Variants in GUCY1A1 observed in about 807,000 individuals in gnomAD.
GUCY1A1 encodes the protein guanylate cyclase 1 soluble subunit alpha 1, also known as guanylate cyclase soluble subunit alpha-1.
GUCY1A1 carries 48 observed loss-of-function variants against 64.5 expected under a neutral mutation model. The observed-to-expected ratio is 0.74, with a 90% CI of 0.59 to 0.95. The LOEUF (loss-of-function observed/expected upper bound fraction) is 0.95, where lower values mean the gene tolerates loss of function less well. Ranked by LOEUF, GUCY1A1 falls within the 40% of genes least tolerant of loss-of-function variation. The pLI, the probability that GUCY1A1 is intolerant of heterozygous loss-of-function variation, is 0.00. For missense variants in GUCY1A1, 804 were observed against 825.3 expected, an observed-to-expected ratio of 0.97 and a Z score of 0.32; for synonymous variants, 308 against 303.4, an observed-to-expected ratio of 1.02 and a Z score of -0.16.
chr4:155,680,392 A>G (rs1377789081), intron 2 of GUCY1A1, among the ~76,000 whole-genome samples: 4 of 152,134 alleles, frequency 2.6e-5, no homozygotes, highest in Admixed American at 2.6e-4. Flanking sequence ...AACATTGCTT[A>G]ATTTACTTCT....
At chr4:155,718,190 G>C (rs1449721586) in intron 8 of GUCY1A1, among the ~76,000 whole-genome samples, 2 of 152,082 alleles carry the variant, frequency 1.3e-5, no homozygotes, top group African/African-American at 4.8e-5. Flanking sequence ...GTCCTCAGTT[G>C]ACTACCTTCA....
chr4:155,674,804 A>G (rs1479562376), intron 2 of GUCY1A1, among the ~76,000 whole-genome samples: 1 of 151,688 alleles, frequency 6.6e-6, no homozygotes, highest in Non-Finnish European at 1.5e-5. Context: ...AAGTAAAACT[A>G]GTACCCTCTA....
At chr4:155,727,629 ACT>A (rs1734900764) in intron 9 of GUCY1A1, among the ~76,000 whole-genome samples, 1 of 151,702 alleles carries the variant, frequency 6.6e-6, no homozygotes, top group Non-Finnish European at 1.5e-5. Context: ...TATTTATTAG[ACT>A]CTTATAGTTG....
At position 155,717,295 on chromosome 4, in the gene GUCY1A1, C is replaced by G; in HGVS notation, c.1709C>G (p.Pro570Arg). ...SDEVMSPHGEPIKMRIGLHSG... is the reference protein window; with the variant it reads ...SDEVMSPHGERIKMRIGLHSG... ...GAAGTTATGTCTCCCCATGGAGAAC[C>G]TATCAAGGTAAGGCAGATGATATAT... The change falls in exon 8 of 10, where the codon CCT becomes CGT. Residue 570 changes from proline to arginine, a missense_variant. By Grantham distance (103) the Pro-to-Arg change is moderately radical. Coordinates refer to ENST00000506455, the MANE Select transcript of GUCY1A1 (RefSeq NM_001130682.3). 1 of 1,581,736 alleles carries G rather than the reference C, an allele frequency of 6.3e-7. No homozygotes were observed. The highest frequency in any genetic ancestry group is 8.6e-7 in the Non-Finnish European group (1 of 1,161,996).
At position 155,736,359 on chromosome 4, in the gene GUCY1A1, C is replaced by T; in HGVS notation, c.*6128C>T. 6.6e-6 allele frequency: 1 copy of T among 151,880 alleles called. No homozygotes were observed. The highest frequency in any genetic ancestry group is 1.9e-4 in the East Asian group (1 of 5,168). The allele number at this position is 151,880 out of a possible 1,614,324, so 9.4% of individuals were successfully genotyped here. On this transcript the variant is annotated 3_prime_UTR_variant, in exon 10 of 10. Coordinates refer to ENST00000506455, the MANE Select transcript of GUCY1A1 (RefSeq NM_001130682.3). ...ATTGCTTTGAGAAATGGATAAAAGA[C>T]ATAGACTATCACCCCTCCAAAAATG...
At chr4:155,688,605 C>A (rs72685782) in intron 2 of GUCY1A1, among the ~76,000 whole-genome samples, 2 of 152,148 alleles carry the variant, frequency 1.3e-5, no homozygotes, top group African/African-American at 4.8e-5. Flanking sequence ...TGGCTTTTCA[C>A]CTTATATGCA....
intron 8 of GUCY1A1, among the ~76,000 whole-genome samples, chr4:155,718,277 A>T (rs1560960221): frequency 6.6e-6 from 1 of 152,156 alleles, no homozygotes; most frequent in African/African-American, 2.4e-5. Flanking sequence ...AGAAATTTAA[A>T]AACAAAACTA....
At chr4:155,727,716 T>G (rs1366744575) in intron 9 of GUCY1A1, among the ~76,000 whole-genome samples, 1 of 151,734 alleles carries the variant, frequency 6.6e-6, no homozygotes, top group Non-Finnish European at 1.5e-5. Context: ...TAGCCAATAC[T>G]AATATTTAAG....
In GUCY1A1 at chr4:155,710,852, G is replaced by A. The variant is rs763543639; in HGVS notation, c.687G>A (p.Thr229=). The stretch of plus-strand genomic sequence containing the variant: ...CAGCTGCTCACGTATTATATGAAAC[G>A]GAAGTGGAAGTGTCGTTAATGCCTC... ...IKAAAHVLYE[T]EVEVSLMPPC... Residue 229 remains threonine (T), a synonymous_variant, in exon 6 of 10, where the codon ACG becomes ACA. Transcript: ENST00000506455. 19 of 1,614,008 alleles carry A rather than the reference G, an allele frequency of 1.2e-5. No homozygotes were observed. The South Asian group carries it at 2.1e-4, about 18-fold the overall frequency.
chr4:155,720,483 G>T (rs749530941), intron 8 of GUCY1A1, among the ~76,000 whole-genome samples: 2 of 151,998 alleles, frequency 1.3e-5, no homozygotes, highest in Non-Finnish European at 2.9e-5. Context: ...ATGAAGAAAG[G>T]TCTTTAAAAA....
chr4:155,701,973 T>A (rs1235148859), intron 3 of GUCY1A1, among the ~76,000 whole-genome samples: 1 of 152,170 alleles, frequency 6.6e-6, no homozygotes, highest in Non-Finnish European at 1.5e-5. Context: ...TTTTATAGAT[T>A]AAGCCTTCAA....
chr4:155,727,444 A>ATT (rs1734861373), intron 9 of GUCY1A1, among the ~76,000 whole-genome samples: 3 of 151,902 alleles, frequency 2.0e-5, no homozygotes, highest in Non-Finnish European at 4.4e-5. Context: ...AATGCCCTTA[A>ATT]TAAATTCAAA....
Position 155,731,301 on chromosome 4 carries a change from A to G in GUCY1A1, c.*1070A>G, listed in dbSNP as rs182161402. 8.6e-5 allele frequency: 13 copies of G among 151,862 alleles called. No homozygotes were observed. Among genetic ancestry groups the G allele is most frequent in the African/African-American group, 2.4e-4 (10 of 41,494 alleles). The allele number at this position is 151,862 out of a possible 1,614,324, so 9.4% of individuals were successfully genotyped here. On this transcript the variant is annotated 3_prime_UTR_variant, in exon 10 of 10. Transcript: ENST00000506455. ...GACTTGTTCTTTTGGTGGATATCTC[A>G]TTTTTCTTGAGTATTTGTGCTGAAC...
chr4:155,699,120 G>T (rs544710775), intron 3 of GUCY1A1, among the ~76,000 whole-genome samples: 3 of 151,362 alleles, frequency 2.0e-5, no homozygotes, highest in African/African-American at 7.3e-5. Flanking sequence ...CTGATTTTTC[G>T]TGTCCCTTGT....
At chr4:155,713,072 A>G in intron 6 of GUCY1A1, 26 bp from the exon 7 acceptor site, 6 of 1,569,094 alleles carry the variant, frequency 3.8e-6, no homozygotes, top group Non-Finnish European at 5.2e-6. Context: ...TGAATAAACC[A>G]CAATTGGTTA....
chr4:155,724,052 G>A (rs1734337925), intron 9 of GUCY1A1, among the ~76,000 whole-genome samples: 2 of 152,074 alleles, frequency 1.3e-5, no homozygotes, highest in African/African-American at 4.8e-5. Flanking sequence ...CAGAATAGAA[G>A]TCAGACAGGA....
intron 2 of GUCY1A1, among the ~76,000 whole-genome samples, chr4:155,683,987 GC>G (rs1736188526): frequency 6.6e-6 from 1 of 152,138 alleles, no homozygotes; most frequent in African/African-American, 2.4e-5. Context: ...TGGGGTTTGA[GC>G]CACATCACTG....
chr4:155,717,245 C>T lies in GUCY1A1; in HGVS notation c.1659C>T (p.Ala553=). The change falls in exon 8 of 10, where the codon GCC becomes GCT. Residue 553 remains alanine, a synonymous_variant. Transcript: ENST00000506455. ...DTHAVQIALM[A]LKMMELSDEV... ...ATGCTGTTCAGATAGCGCTGATGGC[C>T]CTGAAGATGATGGAGCTCTCTGATG... 1.3e-6 allele frequency: 2 copies of T among 1,596,498 alleles called. No homozygotes were observed. The highest frequency in any genetic ancestry group is 1.7e-6 in the Non-Finnish European group (2 of 1,169,326).
intron 7 of GUCY1A1, among the ~76,000 whole-genome samples, chr4:155,715,221 G>GAAA (rs1733073899): frequency 6.6e-6 from 1 of 151,838 alleles, no homozygotes; most frequent in African/African-American, 2.4e-5. Flanking sequence ...CGAGATAGCT[G>GAAA]AAAATAAATA....
Sources: allele counts gnomAD v4.1 joint callset (sites outside exome capture counted in the v4.1 genomes callset), GRCh38; gene constraint gnomAD v4.1.1; transcripts MANE v1.5; gene names NCBI Gene and HGNC (gene_info 2026-07-23, HGNC 2026-07-21).